The following GPS1 variants were observed in gnomAD, a reference collection of about 807,000 sequenced individuals.
GPS1 encodes COP9 signalosome complex subunit 1.
Under a neutral mutation model 60.0 loss-of-function variants are expected in GPS1, and 11 were observed. The ratio of observed to expected loss-of-function variants is 0.18; its 90% CI spans 0.12 to 0.30. The LOEUF (loss-of-function observed/expected upper bound fraction) is 0.30. GPS1 is among the 10% of genes least tolerant of loss of function. The pLI is 1.00. For missense variants in GPS1, 543 were observed against 669.2 expected (o/e 0.81, Z 2.08); for synonymous variants, 343 against 269.8 (o/e 1.27, Z -2.66).
chr17:82,051,617 G>T (rs1457117017), upstream of GPS1: 3 of 1,213,876 alleles, frequency 2.5e-6, no homozygotes, highest in South Asian at 8.8e-5. The surrounding 1 kb of genome is among the most constrained non-coding windows in gnomAD (Gnocchi z 4.1). Flanking sequence ...TGGGGGCAGC[G>T]GGCCGGGACG....
upstream of GPS1, chr17:82,051,331 G>T: frequency 6.9e-7 from 1 of 1,456,496 alleles, no homozygotes; most frequent in Non-Finnish European, 9.0e-7. The surrounding 1 kb of genome is among the most constrained non-coding windows in gnomAD (Gnocchi z 4.1). Context: ...CCCCGTCGGT[G>T]AAGATAAACG....
chr17:82,056,640 C>T lies in GPS1; in HGVS notation c.1128C>T (p.Pro376=), dbSNP rs2032863998. The change falls in exon 11 of 13, where the codon CCC becomes CCT. Residue 376 remains proline (P), a synonymous_variant. Coordinates refer to ENST00000578552, the MANE Select transcript of GPS1 (RefSeq NM_001321092.3). ...CCTCTGCCCTGCAGTATTTCAGCCC[C>T]TACGTGTCAGCCGACATGCATAGGA... ...RNRALIQYFS[P]YVSADMHRMA... is the part of the protein sequence containing the mutation. 6.2e-7 allele frequency: 1 copy of T among 1,609,978 alleles called. No individual in the cohort carries two copies. The highest frequency in any genetic ancestry group is 1.1e-5 in the South Asian group (1 of 90,862).
In GPS1 at chr17:82,053,378, A is replaced by G; in HGVS notation, c.126+12A>G. Reference sequence around the variant, plus strand: ...AGAACCCCAGCCTGGTACGGAGCCCAGTGGGGGGACCTTGGGTGTCTCAGT... The same window carrying G: ...AGAACCCCAGCCTGGTACGGAGCCCGGTGGGGGGACCTTGGGTGTCTCAGT... On this transcript the variant is annotated intron_variant, in intron 2 of 12. Transcript: ENST00000578552. The G allele has an allele frequency of 6.8e-7, 1 of 1,461,606 alleles. No individual in the cohort carries two copies. Among genetic ancestry groups the G allele is most frequent in the Non-Finnish European group, 9.0e-7 (1 of 1,108,970 alleles). The allele number at this position is 1,461,606 out of a possible 1,614,324, so 90.5% of individuals were successfully genotyped here. A position where few individuals can be genotyped will look rare whatever the true frequency, so the allele number is the denominator to read the frequency against.
Position 82,053,318 on chromosome 17 carries a change from C to G in GPS1, c.78C>G (p.Asp26Glu), listed in dbSNP as rs756992256. Residue 26 changes from aspartate to glutamate, a missense_variant, in exon 2 of 13, where the codon GAC becomes GAG. Physicochemically the swap from Asp to Glu is conservative, Grantham distance 45 (BLOSUM62 2). Transcript: ENST00000578552. The part of the protein sequence containing the change: ...PMQIDVDPQE[D>E]PQNAPDVNYV... ...AGATCGACGTGGACCCCCAGGAAGACCCGCAGAATGCACCTGACGTCAACT... is the reference window on the plus strand; with the variant it reads ...AGATCGACGTGGACCCCCAGGAAGAGCCGCAGAATGCACCTGACGTCAACT... 1.9e-6 allele frequency: 3 copies of G among 1,546,694 alleles called. No homozygotes were observed. Among genetic ancestry groups the G allele is most frequent in the Non-Finnish European group, 2.6e-6 (3 of 1,155,076 alleles).
upstream of GPS1, chr17:82,051,063 C>G: frequency 7.3e-7 from 1 of 1,377,686 alleles, no homozygotes. This position sits in a 1 kb window ranked among gnomAD's most constrained non-coding sequence, Gnocchi z 4.1. Flanking sequence ...GGACGTGGCA[C>G]TAGCCCCACG....
chr17:82,052,380 G>A (rs1409925792), intron 1 of GPS1: 1 of 1,612,498 alleles, frequency 6.2e-7, no homozygotes, highest in East Asian at 2.2e-5. Flanking sequence ...CACAGCAGTA[G>A]GTCAGACCTC....
chr17:82,051,722 C>T, upstream of GPS1: 1 of 1,053,012 alleles, frequency 9.5e-7, no homozygotes, highest in South Asian at 4.3e-5. This position sits in a 1 kb window ranked among gnomAD's most constrained non-coding sequence, Gnocchi z 4.1. Context: ...GGGCCGCGGC[C>T]AGCGCGAGGC....
At chr17:82,053,070 C>T (rs910967921) in intron 1 of GPS1, 8 of 417,888 alleles carry the variant, frequency 1.9e-5, no homozygotes, top group East Asian at 1.1e-4. Context: ...TGTGAGGAGA[C>T]CCCTCCCTGA....
chr17:82,051,542 C>T (rs2144248107), upstream of GPS1: 3 of 1,400,048 alleles, frequency 2.1e-6, no homozygotes, highest in Non-Finnish European at 2.8e-6. The surrounding 1 kb of genome is among the most constrained non-coding windows in gnomAD (Gnocchi z 4.1). Flanking sequence ...GCAGCAGCCG[C>T]AGGCGCGGCC....
chr17:82,051,786 G>C (rs1277607281), upstream of GPS1: 2 of 1,118,702 alleles, frequency 1.8e-6, no homozygotes, highest in Non-Finnish European at 2.2e-6. This position sits in a 1 kb window ranked among gnomAD's most constrained non-coding sequence, Gnocchi z 4.1. Flanking sequence ...GGGACCCCCG[G>C]CGCTGCGAGC....
rs143067367 is a variant in GPS1, at chr17:82,053,990, G to A, written c.249G>A (p.Gln83=). The change falls in exon 3 of 13, where the codon CAG becomes CAA. Residue 83 remains glutamine, a synonymous_variant. Coordinates refer to ENST00000578552, the MANE Select transcript of GPS1 (RefSeq NM_001321092.3). The part of the protein sequence containing the change: ...EALKMALSFV[Q]RTFNVDMYEE... ...TGAAGATGGCCCTCTCCTTCGTGCA[G>A]AGAACCTTTAACGTGGACATGTACG... 3.1e-6 allele frequency: 5 copies of A among 1,612,798 alleles called. No individual in the cohort carries two copies. The African/African-American group carries it at 4.0e-5, about 13-fold the overall frequency.
rs372878314 is a variant in GPS1 at position 82,055,506 on chromosome 17, C to A, written c.749-234C>A. On this transcript the variant is annotated intron_variant, in intron 6 of 12. Coordinates refer to ENST00000578552, the MANE Select transcript of GPS1 (RefSeq NM_001321092.3). ...GGTGTCCTTTGCAGCCCTGCTAGCA[C>A]CTAGGGCTTCCCTGCATGCCTGGCT... The A allele has an allele frequency of 4.0e-4, 245 of 607,502 alleles. 1 individual carries two copies. Among genetic ancestry groups the A allele is most frequent in the African/African-American group, 4.0e-3 (214 of 54,104 alleles). The allele number at this position is 607,502 out of a possible 1,614,324, so 37.6% of individuals were successfully genotyped here.
At chr17:82,052,740 T>C in intron 1 of GPS1, 1 of 472,032 alleles carries the variant, frequency 2.1e-6, no homozygotes, top group Non-Finnish European at 3.9e-6. Context: ...CTTCTCTGTG[T>C]CTCCCAGCTG....
At position 82,054,980 on chromosome 17, in the gene GPS1, G is replaced by A. The variant is rs375064150; in HGVS notation, c.687+5G>A. On this transcript the variant is annotated splice_donor_5th_base_variant and intron_variant, in intron 5 of 12. Transcript: ENST00000578552. ...TCCACCCCAGAGATTGCCGAGGTAC[G>A]GGCCACCTCCTCAGAGACCTTGCCC... is the stretch of plus-strand genomic sequence containing the variant. 183 of 1,612,868 alleles carry A rather than the reference G, an allele frequency of 1.1e-4. No individual in the cohort carries two copies. Among genetic ancestry groups the A allele is most frequent in the Non-Finnish European group, 1.4e-4 (165 of 1,179,966 alleles).
In GPS1 at chr17:82,054,979, C is replaced by G; in HGVS notation, c.687+4C>G. On this transcript the variant is annotated splice_donor_region_variant and intron_variant, in intron 5 of 12. Transcript: ENST00000578552. ...GTCCACCCCAGAGATTGCCGAGGTACGGGCCACCTCCTCAGAGACCTTGCC... is the reference window on the plus strand; with the variant it reads ...GTCCACCCCAGAGATTGCCGAGGTAGGGGCCACCTCCTCAGAGACCTTGCC... The G allele has an allele frequency of 6.2e-7, 1 of 1,613,024 alleles. No homozygotes were observed. The highest frequency in any genetic ancestry group is 8.5e-7 in the Non-Finnish European group (1 of 1,179,952).
chr17:82,054,427 G>T, intron 3 of GPS1, 83 bp from the exon 4 acceptor site: 1 of 1,432,058 alleles, frequency 7.0e-7, no homozygotes, highest in Non-Finnish European at 9.1e-7. Context: ...GGGCCTTTGA[G>T]GGCAGCCTGA....
In GPS1 at chr17:82,055,403, G is replaced by A. The variant is rs755433580; in HGVS notation, c.748+181G>A. 8.0e-5 allele frequency: 54 copies of A among 673,770 alleles called. No individual in the cohort carries two copies. The African/African-American group carries it at 8.5e-4, about 11-fold the overall frequency. The allele number at this position is 673,770 out of a possible 1,614,324, so 41.7% of individuals were successfully genotyped here. A position where few individuals can be genotyped will look rare whatever the true frequency, so the allele number is the denominator to read the frequency against. ...AAAGTCTGCCCCGGGGAAGCCAGTGGGTGACGTGTGGTCAGGGTCTGGCTG... is the reference window on the plus strand; with the variant it reads ...AAAGTCTGCCCCGGGGAAGCCAGTGAGTGACGTGTGGTCAGGGTCTGGCTG... On this transcript the variant is annotated intron_variant, in intron 6 of 12. Transcript: ENST00000578552.
In GPS1 at chr17:82,054,830, C is replaced by T. The variant is rs373486488; in HGVS notation, c.609+20C>T. The stretch of plus-strand genomic sequence containing the variant: ...ATCAAGGTCGGCCTGCCTCGGCGGG[C>T]GGGGGTGGGCAGCATGGCTGGGCCA... On this transcript the variant is annotated intron_variant, in intron 4 of 12. Coordinates refer to ENST00000578552, the MANE Select transcript of GPS1 (RefSeq NM_001321092.3). The T allele has an allele frequency of 1.1e-5, 17 of 1,577,884 alleles. No individual in the cohort carries two copies. Among genetic ancestry groups the T allele is most frequent in the South Asian group, 6.9e-5 (6 of 87,280 alleles).
At chr17:82,055,492 C>T in intron 6 of GPS1, 2 of 607,022 alleles carry the variant, frequency 3.3e-6, no homozygotes, top group Non-Finnish European at 5.9e-6. Context: ...GTGTCCTTTG[C>T]AGCCCTGCTA....
Sources: allele counts gnomAD v4.1 joint callset, GRCh38; gene constraint gnomAD v4.1.1; non-coding constraint Gnocchi (gnomAD v3.1); transcripts MANE v1.5; gene names NCBI Gene and HGNC (gene_info 2026-07-23, HGNC 2026-07-21).